Variants in MEI4 observed in about 807,000 individuals in gnomAD.
MEI4 encodes meiosis-specific protein MEI4.
In MEI4, 27 loss-of-function variants were observed where a neutral mutation model predicts 31.4. The ratio of observed to expected loss-of-function variants is 0.86; its 90% confidence interval spans 0.63 to 1.19. The LOEUF is 1.19. MEI4 is among the 50% of genes most tolerant of loss of function. MEI4 has a pLI of 0.00. For missense variants in MEI4, 329 were observed against 398.9 expected, an observed-to-expected ratio of 0.82 and a Z score of 1.49; for synonymous variants, 122 against 145.4, an observed-to-expected ratio of 0.84 and a Z score of 1.16.
chr6:77,695,576 A>G (rs1766009296), intron 2 of MEI4, among the ~76,000 whole-genome samples: 1 of 152,090 alleles, frequency 6.6e-6, no homozygotes, highest in African/African-American at 2.4e-5. Context: ...ATAGTTGTAG[A>G]TATGTGGCAT....
upstream of MEI4, among the ~76,000 whole-genome samples, chr6:77,652,125 A>ACTT (rs1487873839): frequency 6.6e-6 from 1 of 152,204 alleles, no homozygotes; most frequent in Non-Finnish European, 1.5e-5. Context: ...AGGCTAGGTC[A>ACTT]CTTAGGAGCA....
chr6:77,890,894 A>T (rs1771750410), intron 4 of MEI4, among the ~76,000 whole-genome samples: 1 of 152,168 alleles, frequency 6.6e-6, no homozygotes, highest in Non-Finnish European at 1.5e-5. Context: ...CGTGTGAATA[A>T]AGACATGTTC....
chr6:77,836,053 A>C (rs1367334599), intron 4 of MEI4, among the ~76,000 whole-genome samples: 1 of 152,160 alleles, frequency 6.6e-6, no homozygotes, highest in Non-Finnish European at 1.5e-5. Flanking sequence ...TATTTAAAAA[A>C]TACAGAATCT....
chr6:77,684,180 A>T (rs1769009679), intron 1 of MEI4, among the ~76,000 whole-genome samples: 1 of 117,334 alleles, frequency 8.5e-6, no homozygotes, highest in African/African-American at 3.4e-5. Flanking sequence ...TCTTTTGAGA[A>T]TTTTTTATTC....
chr6:77,705,206 TTAA>T (rs10562251), intron 2 of MEI4, among the ~76,000 whole-genome samples: 20,903 of 152,122 alleles, frequency 0.14, 1,504 homozygotes, highest in Middle Eastern at 0.21. Flanking sequence ...TCGTTTGTTC[TTAA>T]TAAGTACCCA....
rs1304065571 is a variant in MEI4, at chr6:77,882,313, T to A, written c.901-40776T>A. ...TTCACAGAATTATTGGTGTTTTAAATAGCCATGATTGATTGAATCATCAAG... is the reference window on the plus strand; with the variant it reads ...TTCACAGAATTATTGGTGTTTTAAAAAGCCATGATTGATTGAATCATCAAG... On this transcript the variant is annotated intron_variant, in intron 4 of 4. Transcript: ENST00000684080. 2.6e-5 allele frequency among the ~76,000 whole-genome samples: 4 copies of A among 152,344 alleles called. No individual in the cohort carries two copies. The East Asian group carries it at 7.7e-4, about 29-fold the overall frequency.
intron 2 of MEI4, among the ~76,000 whole-genome samples, chr6:77,706,859 A>G (rs1766343510): frequency 6.6e-6 from 1 of 152,144 alleles, no homozygotes; most frequent in African/African-American, 2.4e-5. Context: ...CCAGAAGCCA[A>G]GCGGATGCTG....
rs1404696198 is a variant in MEI4, at chr6:77,760,250, A to G, written c.233-880A>G. Among the ~76,000 whole-genome samples, 3 of 151,854 alleles carry G rather than the reference A, an allele frequency of 2.0e-5. No homozygotes were observed. The East Asian group carries it at 5.8e-4, about 29-fold the overall frequency. On this transcript the variant is annotated intron_variant, in intron 2 of 4. Transcript: ENST00000684080. ...TATATACACACATATATATACACAC[A>G]TATATGATATACATATACAGAGATA... is the stretch of plus-strand genomic sequence containing the variant.
chr6:77,759,459 A>T (rs1352767865), intron 2 of MEI4, among the ~76,000 whole-genome samples: 1 of 152,162 alleles, frequency 6.6e-6, no homozygotes, highest in East Asian at 1.9e-4. Context: ...CTAAAGGATC[A>T]TCTCTGACTA....
chr6:77,683,102 A>G (rs73762811), intron 1 of MEI4, among the ~76,000 whole-genome samples: 3,500 of 152,232 alleles, frequency 0.023, 137 homozygotes, highest in African/African-American at 0.079. Flanking sequence ...GGTGTATTTT[A>G]CAGTTGAAGA....
intron 2 of MEI4, among the ~76,000 whole-genome samples, chr6:77,733,265 T>G (rs1767067224): frequency 6.6e-6 from 1 of 151,984 alleles, no homozygotes; most frequent in Non-Finnish European, 1.5e-5. Flanking sequence ...CCTGGACTCT[T>G]TTTGGTTGGT....
chr6:77,749,599 C>T (rs1383225374), intron 2 of MEI4, among the ~76,000 whole-genome samples: 5 of 152,092 alleles, frequency 3.3e-5, no homozygotes, highest in Non-Finnish European at 5.9e-5. Flanking sequence ...AACAAAGCCT[C>T]CAAGAAATAT....
intron 3 of MEI4, among the ~76,000 whole-genome samples, chr6:77,799,283 A>C (rs1385945643): frequency 2.6e-5 from 4 of 152,072 alleles, no homozygotes; most frequent in African/African-American, 4.8e-5. Flanking sequence ...TGGCTGCATA[A>C]ATGTCTTCTT....
intron 2 of MEI4, among the ~76,000 whole-genome samples, chr6:77,698,152 A>G (rs901816974): frequency 1.3e-5 from 2 of 152,106 alleles, no homozygotes; most frequent in Non-Finnish European, 2.9e-5. Context: ...TTTTGAGCCC[A>G]TGTGTGTCTC....
At chr6:77,920,623 G>T (rs1257493571) in intron 4 of MEI4, among the ~76,000 whole-genome samples, 2 of 151,672 alleles carry the variant, frequency 1.3e-5, no homozygotes, top group Non-Finnish European at 2.9e-5. Flanking sequence ...AATTTACTTT[G>T]CCCATATTCA....
intron 2 of MEI4, among the ~76,000 whole-genome samples, chr6:77,724,785 G>A (rs1197366588): frequency 3.2e-3 from 465 of 144,762 alleles, no homozygotes; most frequent in African/African-American, 0.011. Context: ...TAATTTTAAC[G>A]TTTCAGGATA....
At chr6:77,862,050 C>A (rs989591707) in intron 4 of MEI4, among the ~76,000 whole-genome samples, 1 of 133,800 alleles carries the variant, frequency 7.5e-6, no homozygotes, top group Non-Finnish European at 1.5e-5. Context: ...CTTGGTAGAT[C>A]CACAGCAAAG....
intron 2 of MEI4, among the ~76,000 whole-genome samples, chr6:77,734,648 ATAT>A (rs1255505986): frequency 6.6e-6 from 1 of 151,378 alleles, no homozygotes; most frequent in Non-Finnish European, 1.5e-5. Context: ...TTTAAAGTTA[ATAT>A]TATTATGTGT....
chr6:77,759,149 C>G (rs1214043691), intron 2 of MEI4, among the ~76,000 whole-genome samples: 1 of 151,982 alleles, frequency 6.6e-6, no homozygotes, highest in South Asian at 2.1e-4. Context: ...GATTTTTTTG[C>G]TTCATGTATG....
Sources: gnomAD v4.1 joint callset for allele counts (sites outside exome capture counted in the v4.1 genomes callset) on GRCh38, gnomAD v4.1.1 for gene constraint, MANE v1.5 for transcripts, NCBI Gene and HGNC (gene_info 2026-07-23, HGNC 2026-07-21) for gene names.